Variants in TRMT11 observed in about 807,000 individuals in gnomAD.
TRMT11 encodes the protein tRNA methyltransferase 11, also known as tRNA (guanine(10)-N(2))-methyltransferase TRMT11.
TRMT11 carries 53 observed loss-of-function variants against 62.8 expected under a neutral mutation model. The ratio of observed to expected loss-of-function variants is 0.84; its 90% CI spans 0.68 to 1.06. The LOEUF is 1.06. Ranked by LOEUF, TRMT11 falls within the 50% of genes least tolerant of loss-of-function variation. The pLI is 0.00. For synonymous variants in TRMT11, 188 were observed against 190.3 expected (o/e 0.99, Z 0.10); for missense variants, 556 against 553.4 (o/e 1.00, Z -0.05).
intron 19 of TRMT11, among the ~76,000 whole-genome samples, chr6:126,115,045 G>T (rs907044245): frequency 6.6e-6 from 1 of 151,956 alleles, no homozygotes; most frequent in Non-Finnish European, 1.5e-5. Flanking sequence ...ATCATTTATT[G>T]CTGCACGTGT....
intron 17 of TRMT11, among the ~76,000 whole-genome samples, chr6:126,058,534 G>C (rs1343031638): frequency 1.3e-5 from 2 of 152,180 alleles, no homozygotes; most frequent in Non-Finnish European, 2.9e-5. Context: ...TCGCCACACT[G>C]TCTTCCACGA....
intron 7 of TRMT11, among the ~76,000 whole-genome samples, chr6:125,999,892 A>G (rs1250078618): frequency 1.3e-5 from 2 of 152,172 alleles, no homozygotes; most frequent in Non-Finnish European, 2.9e-5. Flanking sequence ...GCAATACCAT[A>G]CATTGTAGAA....
the TRMT11 span, among the ~76,000 whole-genome samples, chr6:126,266,210 CT>C: frequency 6.6e-6 from 1 of 152,202 alleles, no homozygotes; most frequent in Non-Finnish European, 1.5e-5. Flanking sequence ...CGTGTTATAT[CT>C]TCCCTTGAAC....
chr6:126,064,522 T>G (rs1419542222), intron 17 of TRMT11, among the ~76,000 whole-genome samples: 2 of 151,720 alleles, frequency 1.3e-5, no homozygotes, highest in Non-Finnish European at 2.9e-5. Context: ...CATTCTGAAC[T>G]GGAAAGACAG....
At chr6:126,257,779 A>C in the TRMT11 span, 1 of 593,500 alleles carries the variant, frequency 1.7e-6, no homozygotes. Flanking sequence ...GAAGAACCCC[A>C]AAAATGGAAA....
chr6:126,021,121 CAT>C (rs1562274976), intron 11 of TRMT11, 37 bp from the exon 12 acceptor site: 1 of 1,611,240 alleles, frequency 6.2e-7, no homozygotes, highest in South Asian at 1.1e-5. Flanking sequence ...GTGGCCCACA[CAT>C]GTGAGTGTTC....
chr6:126,099,709 T>C (rs752355485), intron 17 of TRMT11, among the ~76,000 whole-genome samples: 11 of 152,292 alleles, frequency 7.2e-5, no homozygotes, highest in Non-Finnish European at 1.3e-4. Flanking sequence ...ATCGTGCCAC[T>C]GCACTCCATC....
At chr6:126,196,159 T>G (rs1381157089) in intron 1 of TRMT11, among the ~76,000 whole-genome samples, 1 of 152,180 alleles carries the variant, frequency 6.6e-6, no homozygotes, top group East Asian at 1.9e-4. Flanking sequence ...AGTCAAAAAC[T>G]ATCCAGGTGG....
At chr6:126,135,570 C>T (rs1308709904) in intron 21 of TRMT11, among the ~76,000 whole-genome samples, 1 of 151,496 alleles carries the variant, frequency 6.6e-6, no homozygotes, top group African/African-American at 2.4e-5. Context: ...TGAAGAAGTA[C>T]TAATACCAAT....
At chr6:126,254,684 C>G in the TRMT11 span, among the ~76,000 whole-genome samples, 2 of 152,046 alleles carry the variant, frequency 1.3e-5, no homozygotes, top group African/African-American at 4.8e-5. Flanking sequence ...TTTATTTCTC[C>G]TTTTCTTTGG....
chr6:126,242,477 T>A, the TRMT11 span, among the ~76,000 whole-genome samples: 1 of 152,220 alleles, frequency 6.6e-6, no homozygotes, highest in African/African-American at 2.4e-5. Context: ...CATTGCCAAG[T>A]CAATCCTAAG....
intron 16 of TRMT11, among the ~76,000 whole-genome samples, chr6:126,048,205 G>A (rs1447344083): frequency 3.3e-5 from 5 of 152,172 alleles, no homozygotes; most frequent in Non-Finnish European, 7.3e-5. Flanking sequence ...TGATAGATTG[G>A]CTAAGCTGAA....
At chr6:125,986,756 C>A in intron 1 of TRMT11, 134 bp downstream of exon 1, 1 of 814,720 alleles carries the variant, frequency 1.2e-6, no homozygotes, top group Non-Finnish European at 1.9e-6. Context: ...GGTCACGCGT[C>A]CCCAGTCCTC....
the TRMT11 span, among the ~76,000 whole-genome samples, chr6:126,247,665 G>C: frequency 1.3e-5 from 2 of 150,506 alleles, no homozygotes; most frequent in Non-Finnish European, 3.0e-5. Context: ...AAGGAAAATG[G>C]AAAATAAGTG....
At chr6:126,193,006 G>A (rs945082384) in intron 1 of TRMT11, among the ~76,000 whole-genome samples, 12 of 152,104 alleles carry the variant, frequency 7.9e-5, no homozygotes, top group Non-Finnish European at 1.0e-4. Flanking sequence ...AGTAGAATTG[G>A]TATTAGTTCT....
chr6:126,253,442 C>T, the TRMT11 span, among the ~76,000 whole-genome samples: 1 of 152,202 alleles, frequency 6.6e-6, no homozygotes, highest in Admixed American at 6.5e-5. Context: ...ATAGTGAATA[C>T]ATAAACCAGT....
chr6:126,257,825 C>G, the TRMT11 span: 1 of 911,814 alleles, frequency 1.1e-6, no homozygotes, highest in Non-Finnish European at 1.7e-6. Context: ...GCTCATGGCA[C>G]TGAGCCTGGC....
chr6:126,023,509 A>G (rs1168816286), intron 12 of TRMT11, among the ~76,000 whole-genome samples: 2 of 152,248 alleles, frequency 1.3e-5, no homozygotes, highest in East Asian at 3.9e-4. Context: ...TTACCTGGGC[A>G]TGGTGGCACA....
chr6:126,208,581 G>A (rs1705922904), downstream of TRMT11, among the ~76,000 whole-genome samples: 1 of 152,132 alleles, frequency 6.6e-6, no homozygotes. Flanking sequence ...ATGACAAAAG[G>A]ATAGATGAAA....
Sources: allele counts gnomAD v4.1 joint callset (sites outside exome capture counted in the v4.1 genomes callset), GRCh38; gene constraint gnomAD v4.1.1; transcripts MANE v1.5; gene names NCBI Gene and HGNC (gene_info 2026-07-23, HGNC 2026-07-21).